CBLB: variants seen among roughly 807,000 people sequenced by gnomAD.
CBLB encodes Cbl proto-oncogene B, also known as E3 ubiquitin-protein ligase CBL-B.
Under a neutral mutation model 104.9 loss-of-function variants are expected in CBLB, and 31 were observed. The ratio of observed to expected loss-of-function variants is 0.30; its 90% confidence interval spans 0.22 to 0.40. The LOEUF is 0.40. Among genes scored for constraint, CBLB ranks in the 10% least tolerant of loss-of-function variants. The pLI is 1.00. For synonymous variants in CBLB, 440 were observed against 422.6 expected (o/e 1.04, Z -0.51); for missense variants, 1,062 against 1,214.6 (o/e 0.87, Z 1.87).
chr3:105,761,887 C>T (rs892150617), intron 4 of CBLB, among the ~76,000 whole-genome samples: 4 of 151,988 alleles, frequency 2.6e-5, no homozygotes, highest in Non-Finnish European at 5.9e-5. Context: ...ATGGTTTTGA[C>T]GAAAATGCTG....
chr3:105,706,536 C>A (rs550459076), intron 10 of CBLB, among the ~76,000 whole-genome samples: 43 of 152,260 alleles, frequency 2.8e-4, no homozygotes, highest in African/African-American at 1.0e-3. Context: ...CAAAACTAAT[C>A]CCAAAATCAT....
intron 3 of CBLB, among the ~76,000 whole-genome samples, chr3:105,845,139 C>T (rs1192792358): frequency 6.6e-6 from 1 of 151,898 alleles, no homozygotes; most frequent in Non-Finnish European, 1.5e-5. Flanking sequence ...ACTGCAAAGC[C>T]AAGTTCACTT....
At position 105,658,469 on chromosome 3, in the gene CBLB, T is replaced by C. The variant is rs945847686; in HGVS notation, c.*501A>G. 4.4e-6 allele frequency: 1 copy of C among 228,436 alleles called. No individual in the cohort carries two copies. The highest frequency in any genetic ancestry group is 8.7e-6 in the Non-Finnish European group (1 of 114,818). 14.2% of individuals were successfully genotyped at this position (228,436 alleles called of 1,614,324 possible). A position where few individuals can be genotyped will look rare whatever the true frequency, so the allele number is the denominator to read the frequency against. On this transcript the variant is annotated 3_prime_UTR_variant, in exon 19 of 19. Transcript: ENST00000394030. ...ATCTTGTGAATGAGAGAAATGGAAC[T>C]GGACCTGGGCAAGGCATGGGGATGG...
At chr3:105,698,108 G>A (rs142035507) in intron 12 of CBLB, among the ~76,000 whole-genome samples, 1 of 151,944 alleles carries the variant, frequency 6.6e-6, no homozygotes, top group East Asian at 1.9e-4. Context: ...ATAACTCTTA[G>A]CTTGTAGATC....
intron 4 of CBLB, among the ~76,000 whole-genome samples, chr3:105,769,076 G>A (rs2078557251): frequency 6.6e-6 from 1 of 152,202 alleles, no homozygotes; most frequent in Admixed American, 6.5e-5. Flanking sequence ...CACTTTGGGA[G>A]GCTGAGACAG....
chr3:105,729,632 G>C (rs897649011), intron 9 of CBLB, among the ~76,000 whole-genome samples: 2 of 152,070 alleles, frequency 1.3e-5, no homozygotes, highest in Non-Finnish European at 2.9e-5. Flanking sequence ...TACAAGCTTA[G>C]ATACCACTTT....
rs2079546791 is a variant in CBLB at position 105,776,912 on chromosome 3, G to GT, written c.420-371dup. Among the ~76,000 whole-genome samples the GT allele has an allele frequency of 2.0e-5, 3 of 152,230 alleles. No homozygotes were observed. In the East Asian group the frequency reaches 5.8e-4, roughly 29 times the overall value. ...AGAGTGACTATTTCTACCTGGGGGA[G>GT]TAAGGAAAGATTTGCCATCAGAGGA... On this transcript the variant is annotated intron_variant, in intron 3 of 18. Coordinates refer to ENST00000394030, the MANE Select transcript of CBLB (RefSeq NM_170662.5).
intron 6 of CBLB, 32 bp downstream of exon 6, chr3:105,745,885 T>G (rs765123513): frequency 6.3e-7 from 1 of 1,594,276 alleles, no homozygotes; most frequent in Non-Finnish European, 8.6e-7. Flanking sequence ...TCTTTGGATA[T>G]ATCACATAAT....
intron 18 of CBLB, among the ~76,000 whole-genome samples, chr3:105,665,838 G>A (rs2064385405): frequency 6.6e-6 from 1 of 151,560 alleles, no homozygotes; most frequent in Admixed American, 6.6e-5. Flanking sequence ...AGATCAGCCT[G>A]GCCAATATGG....
intron 3 of CBLB, among the ~76,000 whole-genome samples, chr3:105,849,497 GC>G (rs2090684382): frequency 6.6e-6 from 1 of 152,076 alleles, no homozygotes; most frequent in Non-Finnish European, 1.5e-5. Flanking sequence ...CATTATGAGA[GC>G]TATCAAAATC....
chr3:105,781,579 C>G (rs1005300635), intron 3 of CBLB, among the ~76,000 whole-genome samples: 2 of 151,970 alleles, frequency 1.3e-5, no homozygotes, highest in African/African-American at 2.4e-5. Context: ...GAAAATATAT[C>G]AAGATTTGAT....
intron 3 of CBLB, among the ~76,000 whole-genome samples, chr3:105,838,515 G>T (rs927905476): frequency 1.3e-5 from 2 of 151,942 alleles, no homozygotes; most frequent in East Asian, 1.9e-4. Context: ...ACTGGAAATA[G>T]GAAAGGGAGG....
At chr3:105,676,959 G>A (rs537136715) in intron 17 of CBLB, among the ~76,000 whole-genome samples, 1 of 152,266 alleles carries the variant, frequency 6.6e-6, no homozygotes, top group East Asian at 1.9e-4. Context: ...TGCCATGATT[G>A]TATGTTTTCT....
chr3:105,831,683 A>C (rs926440605), intron 3 of CBLB, among the ~76,000 whole-genome samples: 4 of 152,246 alleles, frequency 2.6e-5, no homozygotes, highest in African/African-American at 9.6e-5. Context: ...AACCTATTTG[A>C]TAGGATGGTC....
intron 13 of CBLB, among the ~76,000 whole-genome samples, chr3:105,687,087 A>G (rs2067100716): frequency 6.6e-6 from 1 of 152,130 alleles, no homozygotes; most frequent in Non-Finnish European, 1.5e-5. Flanking sequence ...AAGGACCAGA[A>G]TGGGTTCTAT....
intron 9 of CBLB, among the ~76,000 whole-genome samples, chr3:105,730,115 C>T (rs553983532): frequency 2.6e-5 from 4 of 151,368 alleles, no homozygotes; most frequent in East Asian, 1.9e-4. Flanking sequence ...AAACATGAAC[C>T]GGGGATTACT....
At position 105,678,425 on chromosome 3, in the gene CBLB, T is replaced by A; in HGVS notation, c.2569+6A>T. On this transcript the variant is annotated splice_donor_region_variant and intron_variant, in intron 17 of 18. Coordinates refer to ENST00000394030, the MANE Select transcript of CBLB (RefSeq NM_170662.5). The stretch of plus-strand genomic sequence containing the variant: ...TGAATAGTTTTCTTTGGCTTTTCCC[T>A]CCTACCTGAAGGAAGAAGAAAAAGA... The A allele has an allele frequency of 6.2e-7, 1 of 1,613,910 alleles. No individual in the cohort carries two copies. The highest frequency in any genetic ancestry group is 8.5e-7 in the Non-Finnish European group (1 of 1,179,842).
At chr3:105,762,931 T>C (rs973509282) in intron 4 of CBLB, among the ~76,000 whole-genome samples, 1 of 152,162 alleles carries the variant, frequency 6.6e-6, no homozygotes, top group Non-Finnish European at 1.5e-5. Context: ...AGAGGGAAAC[T>C]GTACCCTGCG....
intron 3 of CBLB, among the ~76,000 whole-genome samples, chr3:105,793,091 G>A (rs934897422): frequency 2.9e-4 from 44 of 151,978 alleles, no homozygotes; most frequent in African/African-American, 1.0e-3. Context: ...AATGTCAGTC[G>A]AGCACTGTTA....
Sources: allele counts gnomAD v4.1 joint callset (sites outside exome capture counted in the v4.1 genomes callset), GRCh38; gene constraint gnomAD v4.1.1; transcripts MANE v1.5; gene names NCBI Gene and HGNC (gene_info 2026-07-23, HGNC 2026-07-21).